Variants in DNER observed in about 807,000 individuals in gnomAD.
The protein encoded by DNER is delta/notch like EGF repeat containing, also known as delta and Notch-like epidermal growth factor-related receptor.
Under a neutral mutation model 78.2 loss-of-function variants are expected in DNER, and 33 were observed. The observed-to-expected ratio is 0.42, with a 90% CI of 0.32 to 0.56. DNER has a LOEUF of 0.56. Ranked by LOEUF, DNER falls within the 20% of genes least tolerant of loss-of-function variation. The probability of loss-of-function intolerance (pLI) is 0.11; values close to 1 mark genes in which losing one functional copy is unlikely to be tolerated. For missense variants in DNER, 918 were observed against 975.3 expected (o/e 0.94, Z 0.78); for synonymous variants, 417 against 384.8 (o/e 1.08, Z -0.98).
At chr2:229,379,355 A>C (rs779518843) in intron 11 of DNER, among the ~76,000 whole-genome samples, 3 of 152,176 alleles carry the variant, frequency 2.0e-5, no homozygotes, top group Non-Finnish European at 4.4e-5. Flanking sequence ...GCCTTCCTAT[A>C]ATCAAGTGAG....
At position 229,512,937 on chromosome 2, in the gene DNER, C is replaced by A. The variant is rs1338946114; in HGVS notation, c.994-1G>T. 4 of 1,612,140 alleles carry A rather than the reference C, an allele frequency of 2.5e-6. No homozygotes were observed. Among genetic ancestry groups the A allele is most frequent in the African/African-American group, 1.3e-5 (1 of 74,882 alleles). On this transcript the variant is annotated splice_acceptor_variant, in intron 5 of 12. Transcript: ENST00000341772. LOFTEE classifies it high-confidence loss of function. Reference sequence around the variant, plus strand: ...CCTCACAGGTACAGGAAAAAGTTGCCTAAAACACAAAAAAAGCACAGTGTC... The same window carrying A: ...CCTCACAGGTACAGGAAAAAGTTGCATAAAACACAAAAAAAGCACAGTGTC...
intron 5 of DNER, among the ~76,000 whole-genome samples, chr2:229,545,662 C>G (rs1696614545): frequency 6.6e-6 from 1 of 152,222 alleles, no homozygotes; most frequent in Non-Finnish European, 1.5e-5. Flanking sequence ...GACTCCCAAA[C>G]TGCTGCCTGG....
At chr2:229,590,472 G>A (rs755447734) in intron 2 of DNER, among the ~76,000 whole-genome samples, 11 of 152,156 alleles carry the variant, frequency 7.2e-5, no homozygotes, top group Non-Finnish European at 1.5e-4. Context: ...TAAAAAAATA[G>A]TTGAGTGTTG....
At chr2:229,612,264 T>C (rs1401965257) in intron 1 of DNER, among the ~76,000 whole-genome samples, 1 of 152,124 alleles carries the variant, frequency 6.6e-6, no homozygotes, top group Non-Finnish European at 1.5e-5. Context: ...GGATCTCTGG[T>C]CACCCACATA....
chr2:229,585,231 T>G (rs1040823389), intron 4 of DNER, among the ~76,000 whole-genome samples: 2 of 152,158 alleles, frequency 1.3e-5, no homozygotes, highest in Non-Finnish European at 2.9e-5. Context: ...AAGAAGCAGA[T>G]GAAAGATTCC....
At chr2:229,635,033 T>C (rs887243204) in intron 1 of DNER, among the ~76,000 whole-genome samples, 26 of 152,232 alleles carry the variant, frequency 1.7e-4, no homozygotes, top group Admixed American at 9.8e-4. Context: ...GGTAGCAGTG[T>C]CTGTGTTGAC....
intron 1 of DNER, among the ~76,000 whole-genome samples, chr2:229,619,971 G>T (rs997561853): frequency 1.3e-5 from 2 of 152,216 alleles, no homozygotes; most frequent in African/African-American, 4.8e-5. Flanking sequence ...AAAGCCTTGT[G>T]AAATCAAGCA....
At chr2:229,573,288 C>T (rs980303772) in intron 4 of DNER, among the ~76,000 whole-genome samples, 2 of 152,172 alleles carry the variant, frequency 1.3e-5, no homozygotes, top group Non-Finnish European at 2.9e-5. Flanking sequence ...AATATCATGG[C>T]ATTCAAAACC....
At chr2:229,584,199 A>C (rs2154214398) in intron 4 of DNER, among the ~76,000 whole-genome samples, 1 of 152,306 alleles carries the variant, frequency 6.6e-6, no homozygotes, top group East Asian at 1.9e-4. Flanking sequence ...AACATTTGTC[A>C]ATTATCCTTG....
At chr2:229,587,554 C>T (rs910715801) in intron 3 of DNER, among the ~76,000 whole-genome samples, 1 of 152,250 alleles carries the variant, frequency 6.6e-6, no homozygotes, top group African/African-American at 2.4e-5. Context: ...CCGCAGGCCC[C>T]TTAAAAGGGA....
At chr2:229,386,867 T>C (rs1448509727) in intron 11 of DNER, among the ~76,000 whole-genome samples, 3 of 152,108 alleles carry the variant, frequency 2.0e-5, no homozygotes, top group African/African-American at 2.4e-5. Context: ...AATGCTTTTA[T>C]ACTCTTGGTG....
At chr2:229,513,979 C>T (rs533058493) in intron 5 of DNER, among the ~76,000 whole-genome samples, 25 of 73,304 alleles carry the variant, frequency 3.4e-4, no homozygotes, top group African/African-American at 1.0e-3. Context: ...GATCTCCACC[C>T]AGTACCCCCC....
chr2:229,611,850 C>T (rs893597680), intron 1 of DNER, among the ~76,000 whole-genome samples: 1 of 152,212 alleles, frequency 6.6e-6, no homozygotes, highest in Non-Finnish European at 1.5e-5. Context: ...ACCTTCGTCA[C>T]ACAGTGTCGG....
intron 6 of DNER, among the ~76,000 whole-genome samples, chr2:229,495,885 T>C (rs1695491407): frequency 6.6e-6 from 1 of 152,204 alleles, no homozygotes. Context: ...CTACCTCCTG[T>C]TCAGCTCATC....
At chr2:229,441,804 T>C (rs1574844849) in intron 8 of DNER, among the ~76,000 whole-genome samples, 1 of 152,148 alleles carries the variant, frequency 6.6e-6, no homozygotes, top group East Asian at 1.9e-4. Flanking sequence ...TTGTTGATGT[T>C]CTTAAGTCCA....
chr2:229,469,472 A>G (rs1035713659), intron 7 of DNER, among the ~76,000 whole-genome samples: 6 of 152,204 alleles, frequency 3.9e-5, no homozygotes, highest in Non-Finnish European at 5.9e-5. Flanking sequence ...AATTCTTATA[A>G]CGACCCCTTT....
At chr2:229,497,944 T>C (rs1695533532) in intron 6 of DNER, among the ~76,000 whole-genome samples, 1 of 151,796 alleles carries the variant, frequency 6.6e-6, no homozygotes, top group Non-Finnish European at 1.5e-5. Flanking sequence ...AAGGCCAGCG[T>C]TACCCTGATA....
chr2:229,514,764 G>C (rs1326933230), intron 5 of DNER, among the ~76,000 whole-genome samples: 1 of 152,094 alleles, frequency 6.6e-6, no homozygotes, highest in African/African-American at 2.4e-5. Flanking sequence ...CACTGCATAG[G>C]AGGATGCCCC....
At position 229,546,355 on chromosome 2, in the gene DNER, C is replaced by A. The variant is rs189487261; in HGVS notation, c.993+592G>T. 9.2e-5 allele frequency among the ~76,000 whole-genome samples: 14 copies of A among 152,308 alleles called. No homozygotes were observed. In the East Asian group the frequency reaches 2.7e-3, roughly 29 times the overall value. On this transcript the variant is annotated intron_variant, in intron 5 of 12. Transcript: ENST00000341772. Reference sequence around the variant, plus strand: ...ACCACCATTCAGTTTTAAAACTACTCCGTTAAGTTTATGAGCAAGGAATTT... The same window carrying A: ...ACCACCATTCAGTTTTAAAACTACTACGTTAAGTTTATGAGCAAGGAATTT...
Sources: allele counts gnomAD v4.1 joint callset (sites outside exome capture counted in the v4.1 genomes callset), GRCh38; gene constraint gnomAD v4.1.1; transcripts MANE v1.5; gene names NCBI Gene and HGNC (gene_info 2026-07-23, HGNC 2026-07-21).